PDZD2: variants seen among roughly 807,000 people sequenced by gnomAD.
The protein encoded by PDZD2 is PDZ domain-containing protein 2.
A neutral mutation model predicts 220.7 loss-of-function variants in PDZD2; 90 were observed. That is an observed-to-expected ratio of 0.41 (90% CI 0.34 to 0.49). The LOEUF (loss-of-function observed/expected upper bound fraction) is 0.49, where lower values mean the gene tolerates loss of function less well. Among genes scored for constraint, PDZD2 ranks in the 20% least tolerant of loss-of-function variants. PDZD2 has a pLI of 0.28. For synonymous variants in PDZD2, 1,375 were observed against 1,450.5 expected (o/e 0.95, Z 1.18); for missense variants, 3,174 against 3,608.5 (o/e 0.88, Z 3.08).
intron 1 of PDZD2, among the ~76,000 whole-genome samples, chr5:31,770,559 G>A (rs1338823714): frequency 6.6e-6 from 1 of 152,176 alleles, no homozygotes; most frequent in Non-Finnish European, 1.5e-5. Flanking sequence ...ATTATTAACA[G>A]GACTACAATA....
In PDZD2 at chr5:31,856,150, C is replaced by T. The variant is rs183141183; in HGVS notation, c.476+56426C>T. On this transcript the variant is annotated intron_variant, in intron 2 of 24. Transcript: ENST00000438447. ...CACTGTTTTGTAACTCTCAATTCAA[C>T]TTTGCAGGTGAATTGCAAGGGCCTC... 1.1e-4 allele frequency among the ~76,000 whole-genome samples: 17 copies of T among 152,294 alleles called. No individual in the cohort carries two copies. In the South Asian group the frequency reaches 2.9e-3, roughly 26 times the overall value.
rs1220639122 is a variant in PDZD2 at position 32,090,330 on chromosome 5, T to C, written c.6882T>C (p.Asp2294=). 1 of 1,614,048 alleles carries C rather than the reference T, an allele frequency of 6.2e-7. No individual in the cohort carries two copies. The highest frequency in any genetic ancestry group is 8.5e-7 in the Non-Finnish European group (1 of 1,180,018). Residue 2294 remains aspartate, a synonymous_variant, in exon 20 of 25, where the codon GAT becomes GAC. Transcript: ENST00000438447. The surrounding 1 kb of genome is among the most constrained non-coding windows in gnomAD (Gnocchi z 4.3). ...CATCGAGGAATCTTCCAGCCACAGATGAAGGGGATATCATTTCAGTCCAGG... is the reference window on the plus strand; with the variant it reads ...CATCGAGGAATCTTCCAGCCACAGACGAAGGGGATATCATTTCAGTCCAGG... ...LDTSRNLPAT[D]EGDIISVQET...
intron 2 of PDZD2, among the ~76,000 whole-genome samples, chr5:31,934,199 C>T (rs966806344): frequency 4.8e-5 from 7 of 146,456 alleles, no homozygotes. Flanking sequence ...CTTTTTCCCT[C>T]ACTTCTTTTA....
chr5:31,775,274 C>T (rs1173407529), intron 1 of PDZD2, among the ~76,000 whole-genome samples: 1 of 151,190 alleles, frequency 6.6e-6, no homozygotes, highest in Non-Finnish European at 1.5e-5. Flanking sequence ...TCCATAGATC[C>T]TTGTCTGAGT....
In PDZD2 at chr5:31,971,240, A is replaced by T. The variant is rs1749271275; in HGVS notation, c.477-11915A>T. On this transcript the variant is annotated intron_variant, in intron 2 of 24. Transcript: ENST00000438447. ...CAAGGCACCAGCAAGCTTGGTGTCT[A>T]GTAAGGGTGTGGGCTCTGCTTCCAA... 5.3e-5 allele frequency among the ~76,000 whole-genome samples: 8 copies of T among 152,368 alleles called. No individual in the cohort carries two copies. The South Asian group carries it at 1.7e-3, about 32-fold the overall frequency.
chr5:31,908,080 CTCA>C (rs1561043985), intron 2 of PDZD2, among the ~76,000 whole-genome samples: 1 of 50,194 alleles, frequency 2.0e-5, no homozygotes, highest in African/African-American at 1.1e-4. Context: ...CAGGCTCCGT[CTCA>C]AAAAAAAAAA....
intron 2 of PDZD2, among the ~76,000 whole-genome samples, chr5:31,939,700 G>T (rs1746053042): frequency 6.6e-6 from 1 of 152,198 alleles, no homozygotes; most frequent in African/African-American, 2.4e-5. Context: ...GCCATGAGCA[G>T]CCCTTAACAA....
At chr5:31,829,030 G>A (rs1204607314) in intron 2 of PDZD2, among the ~76,000 whole-genome samples, 1 of 152,142 alleles carries the variant, frequency 6.6e-6, no homozygotes, top group Non-Finnish European at 1.5e-5. Context: ...CTTGAAAATG[G>A]AGCCTTTCAG....
At chr5:31,668,805 A>G (rs1253616911) in intron 1 of PDZD2, among the ~76,000 whole-genome samples, 1 of 152,216 alleles carries the variant, frequency 6.6e-6, no homozygotes, top group Non-Finnish European at 1.5e-5. Flanking sequence ...AATGAAGAAT[A>G]AGAGGGGAAA....
At chr5:31,921,356 T>C (rs1413873741) in intron 2 of PDZD2, among the ~76,000 whole-genome samples, 1 of 149,908 alleles carries the variant, frequency 6.7e-6, no homozygotes, top group Non-Finnish European at 1.5e-5. Flanking sequence ...ATGTGTGAAC[T>C]ATGCTCAAAT....
intron 24 of PDZD2, among the ~76,000 whole-genome samples, chr5:32,105,584 T>C (rs1457760211): frequency 6.6e-6 from 1 of 152,096 alleles, no homozygotes; most frequent in Non-Finnish European, 1.5e-5. Flanking sequence ...ATTACACCTC[T>C]CTCTATATAC....
At chr5:31,878,675 C>G (rs10940975) in intron 2 of PDZD2, among the ~76,000 whole-genome samples, 8,840 of 150,968 alleles carry the variant, frequency 0.059, 891 homozygotes, top group African/African-American at 0.2. Flanking sequence ...ATTCTCCTGC[C>G]TCAGCCTCCT....
intron 2 of PDZD2, among the ~76,000 whole-genome samples, chr5:31,849,521 C>T (rs4867389): frequency 0.094 from 14,264 of 151,914 alleles, 1,002 homozygotes; most frequent in East Asian, 0.35. Flanking sequence ...CAATACGTCC[C>T]GTACACAGAA....
chr5:31,725,789 G>C (rs1749088225), intron 1 of PDZD2: 2 of 956,872 alleles, frequency 2.1e-6, no homozygotes, highest in Admixed American at 3.6e-5. Flanking sequence ...TCTTGATTTG[G>C]ATTTAGATCT....
chr5:31,666,942 C>T (rs753419089), intron 1 of PDZD2, among the ~76,000 whole-genome samples: 1 of 152,066 alleles, frequency 6.6e-6, no homozygotes, highest in African/African-American at 2.4e-5. Context: ...TGATAGAGTA[C>T]CTGCTGTGTG....
At chr5:31,709,471 A>T (rs1747984440) in intron 1 of PDZD2, among the ~76,000 whole-genome samples, 1 of 150,568 alleles carries the variant, frequency 6.6e-6, no homozygotes, top group Admixed American at 6.6e-5. Flanking sequence ...TGACAGACTA[A>T]GACCCTGTCT....
intron 2 of PDZD2, among the ~76,000 whole-genome samples, chr5:31,804,850 T>C (rs1754618325): frequency 6.6e-6 from 1 of 152,192 alleles, no homozygotes; most frequent in Non-Finnish European, 1.5e-5. Flanking sequence ...AAGGTTTCTT[T>C]TCTACCTGCC....
chr5:31,752,594 C>G (rs1751070730), intron 1 of PDZD2, among the ~76,000 whole-genome samples: 1 of 151,408 alleles, frequency 6.6e-6, no homozygotes, highest in Non-Finnish European at 1.5e-5. Context: ...TTTTTTTCCC[C>G]CCCAGAGATG....
chr5:32,107,495 C>G (rs1484497445), intron 24 of PDZD2: 1 of 152,652 alleles, frequency 6.6e-6, no homozygotes, highest in Admixed American at 6.5e-5. Context: ...GAGGCGGAGG[C>G]TGCAGCGAGC....
Sources: gnomAD v4.1 joint callset for allele counts (sites outside exome capture counted in the v4.1 genomes callset) on GRCh38, gnomAD v4.1.1 for gene constraint, Gnocchi (gnomAD v3.1) non-coding constraint, MANE v1.5 for transcripts, NCBI Gene and HGNC (gene_info 2026-07-23, HGNC 2026-07-21) for gene names.